Variants in LTBP1 observed in about 807,000 individuals in gnomAD.
The protein encoded by LTBP1 is latent-transforming growth factor beta-binding protein 1.
In LTBP1, 129 loss-of-function variants were observed where a neutral mutation model predicts 207.6. The ratio of observed to expected loss-of-function variants is 0.62; its 90% CI spans 0.54 to 0.72. The LOEUF is 0.72. Ranked by LOEUF, LTBP1 falls within the 30% of genes least tolerant of loss-of-function variation. LTBP1 has a pLI of 0.00. For missense variants in LTBP1, 2,281 were observed against 2,217.2 expected (o/e 1.03, Z -0.58); for synonymous variants, 963 against 833.7 (o/e 1.16, Z -2.67).
chr2:32,948,831 G>C (rs772707025), intron 1 of LTBP1, 44 bp from the exon 2 acceptor site: 2 of 1,560,938 alleles, frequency 1.3e-6, no homozygotes, highest in South Asian at 2.2e-5. Context: ...TCTTGGGAAG[G>C]GGGTCTTTCT....
intron 19 of LTBP1, among the ~76,000 whole-genome samples, chr2:33,288,742 CTACT>C (rs2093715509): frequency 6.6e-6 from 1 of 151,598 alleles, no homozygotes; most frequent in Non-Finnish European, 1.5e-5. Flanking sequence ...GTAGTCCCAG[CTACT>C]CAGGAGGCTG....
chr2:33,369,146 T>G (rs2095036449), intron 31 of LTBP1, among the ~76,000 whole-genome samples: 1 of 152,078 alleles, frequency 6.6e-6, no homozygotes, highest in Admixed American at 6.6e-5. Context: ...TTATATAATA[T>G]TTTTGGAAAA....
At chr2:33,369,272 A>G (rs2095038316) in intron 31 of LTBP1, among the ~76,000 whole-genome samples, 1 of 152,232 alleles carries the variant, frequency 6.6e-6, no homozygotes, top group Non-Finnish European at 1.5e-5. Flanking sequence ...TAAAATGTCC[A>G]AGAAGAATCT....
At chr2:33,029,515 A>C (rs2075590911) in intron 3 of LTBP1, among the ~76,000 whole-genome samples, 1 of 152,194 alleles carries the variant, frequency 6.6e-6, no homozygotes, top group South Asian at 2.1e-4. Flanking sequence ...ATTTGAGCAT[A>C]ATGAAAAAGA....
rs200847785 is a variant in LTBP1, at chr2:33,275,001, C to T, written c.2780C>T (p.Ser927Phe). The change falls in exon 17 of 34, where the codon TCC becomes TTC. Residue 927 changes from serine (S) to phenylalanine (F), a missense_variant. Physicochemically the swap from Ser to Phe is radical, Grantham distance 155. Transcript: ENST00000404816. ...DECTQVQHLC[S>F]QGRCENTEGS... ...TGTACTCAGGTCCAACACCTCTGCT[C>T]CCAGGGCCGCTGTGAAAACACCGAG... 1.0e-4 allele frequency: 166 copies of T among 1,614,074 alleles called. No individual in the cohort carries two copies. The Admixed American group carries it at 2.5e-3, about 25-fold the overall frequency.
At chr2:33,101,857 TA>T (rs373010546) in intron 3 of LTBP1, among the ~76,000 whole-genome samples, 42 of 152,354 alleles carry the variant, frequency 2.8e-4, no homozygotes, top group African/African-American at 9.4e-4. Flanking sequence ...GGTTGCTTGT[TA>T]AATAACTTAC....
chr2:33,188,157 A>C (rs1307389198), intron 6 of LTBP1, among the ~76,000 whole-genome samples: 1 of 152,216 alleles, frequency 6.6e-6, no homozygotes, highest in Non-Finnish European at 1.5e-5. Flanking sequence ...ACGGTGGCTC[A>C]CGCCTGTAAT....
chr2:33,147,769 A>T (rs370834476), intron 5 of LTBP1, among the ~76,000 whole-genome samples: 22 of 152,264 alleles, frequency 1.4e-4, no homozygotes, highest in African/African-American at 5.3e-4. Context: ...TGCCTTCTTA[A>T]TTCATCCTAC....
intron 7 of LTBP1, among the ~76,000 whole-genome samples, chr2:33,194,703 A>G (rs55957962): frequency 0.58 from 88,617 of 152,120 alleles, 26,029 homozygotes; most frequent in Middle Eastern, 0.62. Context: ...AGCAGCAAGT[A>G]CTGATGTAGA....
At chr2:33,138,935 T>C (rs2082387252) in intron 5 of LTBP1, among the ~76,000 whole-genome samples, 1 of 131,250 alleles carries the variant, frequency 7.6e-6, no homozygotes. Context: ...CTCGGCTCAC[T>C]GCAAGCTCCG....
intron 26 of LTBP1, among the ~76,000 whole-genome samples, chr2:33,360,206 C>T (rs1211158233): frequency 6.6e-6 from 1 of 152,132 alleles, no homozygotes; most frequent in East Asian, 1.9e-4. Flanking sequence ...TATGTGTGGG[C>T]TCAGACCCGT....
At chr2:33,121,618 C>T (rs1476238172) in intron 4 of LTBP1, among the ~76,000 whole-genome samples, 5 of 152,208 alleles carry the variant, frequency 3.3e-5, no homozygotes, top group African/African-American at 4.8e-5. Context: ...CTTCCTCCCA[C>T]GCTTTCAGCT....
intron 26 of LTBP1, among the ~76,000 whole-genome samples, chr2:33,353,414 T>C (rs990629186): frequency 3.9e-5 from 6 of 152,216 alleles, no homozygotes; most frequent in African/African-American, 1.4e-4. Flanking sequence ...CACGCCTTGC[T>C]TTTGTGGCTA....
At chr2:33,334,261 G>T (rs1184992616) in intron 24 of LTBP1, among the ~76,000 whole-genome samples, 1 of 152,232 alleles carries the variant, frequency 6.6e-6, no homozygotes, top group South Asian at 2.1e-4. Context: ...AGAAGGTGAT[G>T]CAGGGGCAGA....
intron 24 of LTBP1, among the ~76,000 whole-genome samples, chr2:33,334,063 C>T (rs1044795688): frequency 2.0e-5 from 3 of 152,118 alleles, no homozygotes; most frequent in Non-Finnish European, 4.4e-5. Flanking sequence ...ACTAAGAGGA[C>T]AAGAAGAATC....
At chr2:33,042,940 A>T (rs2076260406) in intron 3 of LTBP1, among the ~76,000 whole-genome samples, 1 of 152,192 alleles carries the variant, frequency 6.6e-6, no homozygotes, top group Non-Finnish European at 1.5e-5. Flanking sequence ...ATTGGGAAAA[A>T]AAACAGCCAG....
At chr2:33,182,469 TG>T (rs2086736705) in intron 5 of LTBP1, among the ~76,000 whole-genome samples, 1 of 151,676 alleles carries the variant, frequency 6.6e-6, no homozygotes, top group Admixed American at 6.6e-5. Flanking sequence ...GAAACCATCC[TG>T]GCTAACACGG....
Position 33,202,032 on chromosome 2 carries a change from C to CAG in LTBP1, c.1701+13182_1701+13183insGA, listed in dbSNP as rs1241701532. ...AAAGCTTAGCACTGGAACACACACACACACACACACACACACACACACACA... is the reference window on the plus strand; with the variant it reads ...AAAGCTTAGCACTGGAACACACACACAGACACACACACACACACACACACACA... On this transcript the variant is annotated intron_variant, in intron 7 of 33. Coordinates refer to ENST00000404816, the MANE Select transcript of LTBP1 (RefSeq NM_206943.4). Among the ~76,000 whole-genome samples, 32 of 148,698 alleles carry CAG rather than the reference C, an allele frequency of 2.2e-4. 1 individual carries two copies. Among genetic ancestry groups the CAG allele is most frequent in the African/African-American group, 7.6e-4 (31 of 40,726 alleles).
Position 33,162,247 on chromosome 2 carries a change from G to A in LTBP1, c.1202-24609G>A, listed in dbSNP as rs150140594. Reference sequence around the variant, plus strand: ...GATTTGTATTTGTTCATATGTATGTGAATAGGTTTATACATAATAAATGCC... The same window carrying A: ...GATTTGTATTTGTTCATATGTATGTAAATAGGTTTATACATAATAAATGCC... On this transcript the variant is annotated intron_variant, in intron 5 of 33. Transcript: ENST00000404816. 2.1e-3 allele frequency among the ~76,000 whole-genome samples: 318 copies of A among 152,266 alleles called. 1 individual carries two copies. Among genetic ancestry groups the A allele is most frequent in the Middle Eastern group, 6.8e-3 (2 of 294 alleles).
Sources: gnomAD v4.1 joint callset for allele counts (sites outside exome capture counted in the v4.1 genomes callset) on GRCh38, gnomAD v4.1.1 for gene constraint, MANE v1.5 for transcripts, NCBI Gene and HGNC (gene_info 2026-07-23, HGNC 2026-07-21) for gene names.